SCARA3: variants seen among roughly 807,000 people sequenced by gnomAD.
SCARA3 encodes scavenger receptor class A member 3, also known as cellular stress response gene protein.
Under a neutral mutation model 47.0 loss-of-function variants are expected in SCARA3, and 39 were observed. That is an observed-to-expected ratio of 0.83 (90% CI 0.64 to 1.08). SCARA3 has a LOEUF of 1.08. SCARA3 is among the 50% of genes least tolerant of loss of function. SCARA3 has a pLI of 0.00. For missense variants in SCARA3, 724 were observed against 792.3 expected (o/e 0.91, Z 1.04); for synonymous variants, 356 against 334.1 (o/e 1.07, Z -0.71).
chr8:27,733,479 G>A, the SCARA3 span: 5 of 152,242 alleles, frequency 3.3e-5, no homozygotes, highest in African/African-American at 1.2e-4. Context: ...GAGCTCTCAC[G>A]AAGTGCCAGC....
intron 1 of SCARA3, among the ~76,000 whole-genome samples, chr8:27,649,013 C>T (rs1329467330): frequency 6.6e-6 from 1 of 152,108 alleles, no homozygotes; most frequent in Non-Finnish European, 1.5e-5. Flanking sequence ...GTCTTACTTA[C>T]AGGGAGTGGG....
Position 27,671,744 on chromosome 8 carries a change from A to G in SCARA3, c.*393A>G, listed in dbSNP as rs926951019. On this transcript the variant is annotated 3_prime_UTR_variant, in exon 6 of 6. Coordinates refer to ENST00000301904, the MANE Select transcript of SCARA3 (RefSeq NM_016240.3). The stretch of plus-strand genomic sequence containing the variant: ...CACATGCACACACACATGCACACAT[A>G]TATGCACAGGCACACACATGTACGC... The G allele has an allele frequency of 6.9e-6, 7 of 1,020,198 alleles. No individual in the cohort carries two copies. The South Asian group carries it at 2.3e-4, about 34-fold the overall frequency. The allele number at this position is 1,020,198 out of a possible 1,614,324, so 63.2% of individuals were successfully genotyped here.
At chr8:27,732,526 A>T in the SCARA3 span, among the ~76,000 whole-genome samples, 3 of 152,366 alleles carry the variant, frequency 2.0e-5, no homozygotes, top group South Asian at 6.2e-4. Flanking sequence ...AAAAAGAGGT[A>T]TGTATAATCT....
the SCARA3 span, among the ~76,000 whole-genome samples, chr8:27,690,771 C>A: frequency 1.3e-5 from 2 of 152,144 alleles, no homozygotes; most frequent in Non-Finnish European, 2.9e-5. Context: ...TCATAGCTCA[C>A]TGTAGCCTCA....
At chr8:27,707,430 T>A in the SCARA3 span, among the ~76,000 whole-genome samples, 1 of 150,804 alleles carries the variant, frequency 6.6e-6, no homozygotes, top group African/African-American at 2.4e-5. Flanking sequence ...AACTAGCTGC[T>A]ATGAAAAAAG....
the SCARA3 span, chr8:27,703,079 G>T: frequency 6.6e-6 from 1 of 152,350 alleles, no homozygotes; most frequent in South Asian, 2.1e-4. Context: ...TGGAACCCAG[G>T]GCCTCAAGGC....
chr8:27,727,746 T>C, the SCARA3 span, among the ~76,000 whole-genome samples: 2 of 152,198 alleles, frequency 1.3e-5, no homozygotes, highest in East Asian at 3.9e-4. Context: ...AAAATCTAGA[T>C]TTGTAATGTT....
At chr8:27,660,723 A>G (rs1193788661) in intron 5 of SCARA3, among the ~76,000 whole-genome samples, 1 of 151,962 alleles carries the variant, frequency 6.6e-6, no homozygotes, top group African/African-American at 2.4e-5. Flanking sequence ...AGATAGATAG[A>G]TAGATAGATA....
chr8:27,643,051 A>T (rs1218210710), intron 1 of SCARA3, among the ~76,000 whole-genome samples: 2 of 152,208 alleles, frequency 1.3e-5, no homozygotes, highest in Non-Finnish European at 2.9e-5. Context: ...ATGGGTGGGC[A>T]TTCGGGGTTG....
At chr8:27,635,607 A>G (rs943675999) in intron 1 of SCARA3, among the ~76,000 whole-genome samples, 3 of 134,556 alleles carry the variant, frequency 2.2e-5, no homozygotes, top group African/African-American at 7.9e-5. Context: ...ACAGGTGTGC[A>G]CCACCATGCA....
chr8:27,717,542 TG>T, the SCARA3 span, among the ~76,000 whole-genome samples: 2 of 152,180 alleles, frequency 1.3e-5, no homozygotes, highest in Non-Finnish European at 2.9e-5. Context: ...CCCAGCACTT[TG>T]GGAGGCTGCA....
chr8:27,733,207 GC>G, the SCARA3 span: 1 of 152,160 alleles, frequency 6.6e-6, no homozygotes, highest in Non-Finnish European at 1.5e-5. Context: ...CACATGGGGA[GC>G]CAAGTACCTC....
intron 1 of SCARA3, among the ~76,000 whole-genome samples, chr8:27,640,273 G>T (rs500048): frequency 0.24 from 36,329 of 152,118 alleles, 5,322 homozygotes; most frequent in Middle Eastern, 0.4. Flanking sequence ...CTCCTGCCCT[G>T]TAGAGATAAT....
intron 4 of SCARA3, among the ~76,000 whole-genome samples, 197 bp downstream of exon 4, chr8:27,657,077 G>C (rs1206922000): frequency 3.9e-5 from 6 of 152,168 alleles, no homozygotes; most frequent in Admixed American, 3.9e-4. Context: ...ATACTCCCAG[G>C]ACTGGAGCAG....
At chr8:27,693,854 G>C in the SCARA3 span, among the ~76,000 whole-genome samples, 1 of 152,176 alleles carries the variant, frequency 6.6e-6, no homozygotes, top group African/African-American at 2.4e-5. Flanking sequence ...ATCAGAAAGT[G>C]TTTAAATCTA....
chr8:27,671,327 A>C lies in SCARA3; in HGVS notation c.1797A>C (p.Pro599=), dbSNP rs1802151021. The change falls in exon 6 of 6, where the codon CCA becomes CCC. Residue 599 remains proline (P), a synonymous_variant. Coordinates refer to ENST00000301904, the MANE Select transcript of SCARA3 (RefSeq NM_016240.3). ...GPPGLPGPPG[P]PGSQSFY ...CTGGTCTCCCGGGGCCTCCAGGTCC[A>C]CCAGGAAGCCAGAGCTTCTACTGAG... is the stretch of plus-strand genomic sequence containing the variant. 7.0e-7 allele frequency: 1 copy of C among 1,426,978 alleles called. No homozygotes were observed. Among genetic ancestry groups the C allele is most frequent in the Non-Finnish European group, 9.2e-7 (1 of 1,090,636 alleles). 88.4% of individuals were successfully genotyped at this position (1,426,978 alleles called of 1,614,324 possible).
chr8:27,668,262 C>T lies in SCARA3; in HGVS notation c.1370-2638C>T, dbSNP rs114226653. Among the ~76,000 whole-genome samples, 308 of 152,246 alleles carry T rather than the reference C, an allele frequency of 2.0e-3. 2 individuals are homozygous for T. The highest frequency in any genetic ancestry group is 7.0e-3 in the African/African-American group (290 of 41,560). ...GAATCCCTTAGAAATCACAGATAGC[C>T]GGGCGCGGTGGCTCACGCCTGTAAT... is the stretch of plus-strand genomic sequence containing the variant. On this transcript the variant is annotated intron_variant, in intron 5 of 5. Transcript: ENST00000301904.
At chr8:27,719,562 G>A in the SCARA3 span, among the ~76,000 whole-genome samples, 2 of 151,252 alleles carry the variant, frequency 1.3e-5, no homozygotes, top group Non-Finnish European at 2.9e-5. Context: ...AGGAATGAAG[G>A]TAAGGTCTAG....
At chr8:27,669,516 G>A (rs1563413792) in intron 5 of SCARA3, among the ~76,000 whole-genome samples, 4 of 152,234 alleles carry the variant, frequency 2.6e-5, no homozygotes, top group African/African-American at 9.6e-5. Context: ...CAGGCCAAGG[G>A]CATCTCCTGC....
Sources: allele counts gnomAD v4.1 joint callset (sites outside exome capture counted in the v4.1 genomes callset), GRCh38; gene constraint gnomAD v4.1.1; transcripts MANE v1.5; gene names NCBI Gene and HGNC (gene_info 2026-07-23, HGNC 2026-07-21).